The following TSPAN18 variants were observed in gnomAD, a reference collection of about 807,000 sequenced individuals.
The protein encoded by TSPAN18 is tetraspanin-18.
TSPAN18 carries 14 observed loss-of-function variants against 27.3 expected under a neutral mutation model. The ratio of observed to expected loss-of-function variants is 0.51; its 90% CI spans 0.34 to 0.80. The LOEUF (loss-of-function observed/expected upper bound fraction) is 0.80, where lower values mean the gene tolerates loss of function less well. TSPAN18 is among the 30% of genes least tolerant of loss of function. The pLI is 0.01. For missense variants in TSPAN18, 268 were observed against 323.9 expected, an observed-to-expected ratio of 0.83 and a Z score of 1.32; for synonymous variants, 143 against 136.5, an observed-to-expected ratio of 1.05 and a Z score of -0.33.
chr11:44,794,604 G>C (rs1053483339), intron 2 of TSPAN18, among the ~76,000 whole-genome samples: 2 of 151,996 alleles, frequency 1.3e-5, no homozygotes, highest in Non-Finnish European at 2.9e-5. Context: ...GAAGGCGGAG[G>C]CTGCAGTGAG....
At chr11:44,765,127 G>A (rs193210852) in intron 2 of TSPAN18, among the ~76,000 whole-genome samples, 85 of 152,288 alleles carry the variant, frequency 5.6e-4, no homozygotes, top group African/African-American at 2.0e-3. Flanking sequence ...AAGCCAGGAT[G>A]TCTGTCCTCT....
At chr11:44,761,134 A>G (rs1244113602) in intron 1 of TSPAN18, among the ~76,000 whole-genome samples, 1 of 152,150 alleles carries the variant, frequency 6.6e-6, no homozygotes, top group Non-Finnish European at 1.5e-5. Flanking sequence ...TAGGATTTCA[A>G]CCTGTGCCAC....
intron 2 of TSPAN18, among the ~76,000 whole-genome samples, chr11:44,772,830 G>A (rs972796232): frequency 6.6e-6 from 1 of 151,840 alleles, no homozygotes; most frequent in African/African-American, 2.4e-5. Flanking sequence ...AGCTAATTTT[G>A]TATTTTTAGT....
intron 9 of TSPAN18, among the ~76,000 whole-genome samples, chr11:44,927,893 A>G (rs1390474375): frequency 6.6e-6 from 1 of 152,190 alleles, no homozygotes; most frequent in Non-Finnish European, 1.5e-5. Flanking sequence ...TGACGGGGAC[A>G]GCATGCTACT....
chr11:44,753,957 C>T (rs564624260), intron 1 of TSPAN18, among the ~76,000 whole-genome samples: 3 of 152,158 alleles, frequency 2.0e-5, no homozygotes, highest in East Asian at 1.9e-4. Flanking sequence ...CTCCCTTGAC[C>T]GAGCTCTCTG....
chr11:44,766,267 T>C (rs1855565274), intron 2 of TSPAN18, among the ~76,000 whole-genome samples: 1 of 152,212 alleles, frequency 6.6e-6, no homozygotes, highest in Non-Finnish European at 1.5e-5. Flanking sequence ...GGCTGAGGCC[T>C]TAGTGGACAG....
chr11:44,758,892 C>T (rs189725213), intron 1 of TSPAN18, among the ~76,000 whole-genome samples: 2 of 152,324 alleles, frequency 1.3e-5, no homozygotes, highest in East Asian at 3.9e-4. Flanking sequence ...GGGGGCTCCT[C>T]ATCTCCTACC....
intron 2 of TSPAN18, among the ~76,000 whole-genome samples, chr11:44,828,196 A>T (rs1014165239): frequency 6.6e-6 from 1 of 152,144 alleles, no homozygotes; most frequent in Non-Finnish European, 1.5e-5. Flanking sequence ...GTCTTTACCT[A>T]TGTGAAAGGC....
At chr11:44,879,443 T>A (rs1334302276) in intron 3 of TSPAN18, among the ~76,000 whole-genome samples, 1 of 152,142 alleles carries the variant, frequency 6.6e-6, no homozygotes, top group African/African-American at 2.4e-5. Flanking sequence ...CAGACAGTGA[T>A]GGAGCGCGTG....
At chr11:44,880,393 AGG>A (rs138393097) in intron 3 of TSPAN18, among the ~76,000 whole-genome samples, 28,386 of 152,174 alleles carry the variant, frequency 0.19, 3,516 homozygotes, top group Non-Finnish European at 0.28. Context: ...ACCCTGGTGA[AGG>A]GGTGTCACCT....
chr11:44,927,740 C>T (rs145239070), intron 9 of TSPAN18, among the ~76,000 whole-genome samples: 7 of 152,318 alleles, frequency 4.6e-5, no homozygotes, highest in South Asian at 2.1e-4. Context: ...ATCTCAGGGA[C>T]GTGTCCCATG....
intron 3 of TSPAN18, among the ~76,000 whole-genome samples, chr11:44,878,861 C>T (rs1443555459): frequency 1.3e-5 from 2 of 151,604 alleles, no homozygotes; most frequent in Non-Finnish European, 3.0e-5. Context: ...TCTTCCATTG[C>T]CTCTGCGGGA....
At chr11:44,852,947 A>C (rs1163043533) in intron 2 of TSPAN18, among the ~76,000 whole-genome samples, 1 of 152,334 alleles carries the variant, frequency 6.6e-6, no homozygotes, top group South Asian at 2.1e-4. Flanking sequence ...CGCATCTAAT[A>C]TCTACCAAAA....
chr11:44,823,324 G>A (rs1856966652), intron 2 of TSPAN18, among the ~76,000 whole-genome samples: 3 of 152,314 alleles, frequency 2.0e-5, no homozygotes, highest in African/African-American at 7.2e-5. Flanking sequence ...GTGAGGATGG[G>A]TGGAGAAGAA....
At chr11:44,867,316 A>G (rs7949713) in intron 3 of TSPAN18, among the ~76,000 whole-genome samples, 40,775 of 150,352 alleles carry the variant, frequency 0.27, 5,642 homozygotes, top group Non-Finnish European at 0.3. Flanking sequence ...ATACACTGCA[A>G]TGCATCAGCC....
intron 2 of TSPAN18, among the ~76,000 whole-genome samples, chr11:44,786,623 CTTTT>C (rs528871558): frequency 5.8e-4 from 57 of 98,196 alleles, no homozygotes; most frequent in Non-Finnish European, 8.0e-4. Context: ...TATCCACTTA[CTTTT>C]TTTTTTTTTT....
chr11:44,759,373 T>C (rs1413654087), intron 1 of TSPAN18, among the ~76,000 whole-genome samples: 1 of 152,190 alleles, frequency 6.6e-6, no homozygotes, highest in African/African-American at 2.4e-5. Flanking sequence ...TGGTCTCTCC[T>C]CAGACCTACT....
intron 3 of TSPAN18, among the ~76,000 whole-genome samples, chr11:44,885,191 C>G (rs954076717): frequency 1.3e-5 from 2 of 152,146 alleles, no homozygotes; most frequent in Non-Finnish European, 2.9e-5. Context: ...TCTCTTGTCC[C>G]CATCACATCG....
chr11:44,762,200 T>C (rs1177257002), intron 1 of TSPAN18, among the ~76,000 whole-genome samples: 1 of 152,186 alleles, frequency 6.6e-6, no homozygotes, highest in Non-Finnish European at 1.5e-5. Context: ...AGCAAGGCTA[T>C]AGAGGCCAGA....
Sources: allele counts gnomAD v4.1 joint callset (sites outside exome capture counted in the v4.1 genomes callset), GRCh38; gene constraint gnomAD v4.1.1; transcripts MANE v1.5; gene names NCBI Gene and HGNC (gene_info 2026-07-23, HGNC 2026-07-21).